NR4A2: variants seen among roughly 807,000 people sequenced by gnomAD.
NR4A2 encodes nuclear receptor subfamily 4 group A member 2.
In NR4A2, 1 loss-of-function variant was observed where a neutral mutation model predicts 50.5. That is an observed-to-expected ratio of 0.02 (90% CI 0.01 to 0.09). The LOEUF (loss-of-function observed/expected upper bound fraction) is 0.09, where lower values mean the gene tolerates loss of function less well. Ranked by LOEUF, NR4A2 falls within the 10% of genes least tolerant of loss-of-function variation. NR4A2 has a pLI of 1.00. For missense variants in NR4A2, 613 were observed against 777.3 expected (o/e 0.79, Z 2.51); for synonymous variants, 328 against 309.4 (o/e 1.06, Z -0.63).
chr2:156,325,732 T>G lies in NR4A2; in HGVS notation c.*12A>C. On this transcript the variant is annotated 3_prime_UTR_variant, in exon 8 of 8. Coordinates refer to ENST00000339562, the MANE Select transcript of NR4A2 (RefSeq NM_006186.4). ...ATCATTCCAGTTCCTTTGAAGTGCT[T>G]GGGAGGAGGTCTTAGAAAGGTAAAG... 6.2e-7 allele frequency: 1 copy of G among 1,614,020 alleles called. No individual in the cohort carries two copies. Among genetic ancestry groups the G allele is most frequent in the Non-Finnish European group, 8.5e-7 (1 of 1,180,008 alleles).
chr2:156,326,882 G>A lies in NR4A2; in HGVS notation c.1197C>T (p.Asp399=). The A allele has an allele frequency of 6.2e-7, 1 of 1,614,174 alleles. No individual in the cohort carries two copies. Among genetic ancestry groups the A allele is most frequent in the Non-Finnish European group, 8.5e-7 (1 of 1,180,010 alleles). The change falls in exon 6 of 8, where the codon GAC becomes GAT. Residue 399 remains aspartate, a synonymous_variant. Transcript: ENST00000339562. The surrounding 1 kb of genome is among the most constrained non-coding windows in gnomAD (Gnocchi z 4.2). Reference sequence around the variant, plus strand: ...CATAGAATTGCTGGATATGCTGGGTGTCATCTCCACTCATTTGATAGTCAG... The same window carrying A: ...CATAGAATTGCTGGATATGCTGGGTATCATCTCCACTCATTTGATAGTCAG... ...ANPDYQMSGD[D]TQHIQQFYDL...
chr2:156,332,094 T>G (rs1000935109), intron 1 of NR4A2: 1 of 171,190 alleles, frequency 5.8e-6, no homozygotes, highest in African/African-American at 2.4e-5. Flanking sequence ...CCTGTCAGTT[T>G]GTGGGCAGCT....
Position 156,330,095 on chromosome 2 carries a change from C to G in NR4A2, c.92G>C (p.Ser31Thr). ...AAACTCTGGAGTTAAGAAATCGGAG[C>G]TGTATTCTCCCGAAGAGTGGTAACT... ...SYSYHSSGEY[S>T]SDFLTPEFVK... Residue 31 changes from serine to threonine, a missense_variant, in exon 3 of 8, where the codon AGC becomes ACC. Physicochemically the swap from Ser to Thr is moderately conservative, Grantham distance 58. Transcript: ENST00000339562. 1 of 1,614,152 alleles carries G rather than the reference C, an allele frequency of 6.2e-7. No homozygotes were observed. Among genetic ancestry groups the G allele is most frequent in the Non-Finnish European group, 8.5e-7 (1 of 1,180,028 alleles).
rs759748013 is a variant in NR4A2 at position 156,325,676 on chromosome 2, T to A, written c.*68A>T. On this transcript the variant is annotated 3_prime_UTR_variant, in exon 8 of 8. Transcript: ENST00000339562. ...CTGCTCACACGGCTATCTCTGCCCA[T>A]GTGACTTGCCCCCTCTTGACAGTTT... The A allele has an allele frequency of 1.3e-6, 2 of 1,598,968 alleles. No individual in the cohort carries two copies. The highest frequency in any genetic ancestry group is 1.7e-6 in the Non-Finnish European group (2 of 1,168,144).
rs142859507 is a variant in NR4A2, at chr2:156,331,673, C to T, written c.-127+807G>A. 3.3e-5 allele frequency: 5 copies of T among 152,300 alleles called. No homozygotes were observed. In the East Asian group the frequency reaches 9.6e-4, roughly 29 times the overall value. 9.4% of individuals were successfully genotyped at this position (152,300 alleles called of 1,614,324 possible). ...CCCACTTGGAAGACATTCTAGAGCA[C>T]AGACAATCTTATTACTAATGAAAAA... On this transcript the variant is annotated intron_variant, in intron 1 of 7. Transcript: ENST00000339562.
intron 2 of NR4A2, 48 bp downstream of exon 2, chr2:156,330,620 G>A (rs1686882811): frequency 1.5e-6 from 2 of 1,360,596 alleles, no homozygotes; most frequent in Non-Finnish European, 1.9e-6. Context: ...GTTTCTTGAT[G>A]TTTGGGGAGC....
rs1028326884 is a variant in NR4A2 at position 156,329,573 on chromosome 2, T to C, written c.614A>G (p.Glu205Gly). The C allele has an allele frequency of 3.1e-6, 5 of 1,602,902 alleles. No individual in the cohort carries two copies. The highest frequency in any genetic ancestry group is 4.3e-6 in the Non-Finnish European group (5 of 1,173,524). Residue 205 changes from glutamate (E) to glycine (G), a missense_variant, in exon 3 of 8, where the codon GAG becomes GGG. Around this residue, in one of 4 missense-constraint regions of NR4A2, gnomAD observed 275 missense variants for 248.9 expected, o/e 1.10. Transcript: ENST00000339562. The surrounding 1 kb of genome is among the most constrained non-coding windows in gnomAD (Gnocchi z 7.5). ...CACCACGTGGTGGCTGCCGGCGGGCTCCGGGTTCATGGGGACGTGCAGGGG... is the reference window on the plus strand; with the variant it reads ...CACCACGTGGTGGCTGCCGGCGGGCCCCGGGTTCATGGGGACGTGCAGGGG... Reference protein sequence around the residue: ...DGPLHVPMNPEPAGSHHVVDG... With the variant: ...DGPLHVPMNPGPAGSHHVVDG...
rs2105594409 is a variant in NR4A2 at position 156,326,555 on chromosome 2, C to T, written c.1361+163G>A. ...TCCAAGGCTTCTGGGCTCGCTTCTT[C>T]TCGTCTTTTTTTGTTTTCTTTCTTT... On this transcript the variant is annotated intron_variant, in intron 6 of 7. Coordinates refer to ENST00000339562, the MANE Select transcript of NR4A2 (RefSeq NM_006186.4). The surrounding 1 kb of genome is among the most constrained non-coding windows in gnomAD (Gnocchi z 4.2). 6.6e-6 allele frequency among the ~76,000 whole-genome samples: 1 copy of T among 152,272 alleles called. No homozygotes were observed. Among genetic ancestry groups the T allele is most frequent in the Middle Eastern group, 3.4e-3 (1 of 294 alleles).
chr2:156,329,639 G>A lies in NR4A2; in HGVS notation c.548C>T (p.Pro183Leu). Residue 183 changes from proline to leucine, a missense_variant, in exon 3 of 8, where the codon CCT becomes CTT. Coordinates refer to ENST00000339562, the MANE Select transcript of NR4A2 (RefSeq NM_006186.4). This position sits in a 1 kb window ranked among gnomAD's most constrained non-coding sequence, Gnocchi z 7.5. ...LSLFSFKQSP[P>L]GTPVSSCQMR... ...CTGGCAACTAGACACCGGGGTGCCA[G>A]GGGGCGATTGCTTAAAGGAGAAGAG... The A allele has an allele frequency of 6.2e-7, 1 of 1,613,504 alleles. No individual in the cohort carries two copies. The highest frequency in any genetic ancestry group is 8.5e-7 in the Non-Finnish European group (1 of 1,179,708).
rs1686563732 is a variant in NR4A2, at chr2:156,324,705, A to C, written c.*1039T>G. ...CTCAGTTATTTCCAGGGAGTTATGT[A>C]TATTATAAGCACTCTGGAAACAGTC... is the stretch of plus-strand genomic sequence containing the variant. On this transcript the variant is annotated 3_prime_UTR_variant, in exon 8 of 8. Coordinates refer to ENST00000339562, the MANE Select transcript of NR4A2 (RefSeq NM_006186.4). 1 of 152,656 alleles carries C rather than the reference A, an allele frequency of 6.6e-6. No individual in the cohort carries two copies. 9.5% of individuals were successfully genotyped at this position (152,656 alleles called of 1,614,324 possible). A position where few individuals can be genotyped will look rare whatever the true frequency, so the allele number is the denominator to read the frequency against.
At position 156,327,789 on chromosome 2, in the gene NR4A2, G is replaced by C. The variant is rs1200660418; in HGVS notation, c.1158+62C>G. The C allele has an allele frequency of 1.9e-6, 3 of 1,539,838 alleles. No homozygotes were observed. The African/African-American group carries it at 4.1e-5, about 21-fold the overall frequency. Reference sequence around the variant, plus strand: ...GAATCTGAGAGTTAATGACGGATGTGGGGAGGGGTCCTGCCCATCTGTCGG... The same window carrying C: ...GAATCTGAGAGTTAATGACGGATGTCGGGAGGGGTCCTGCCCATCTGTCGG... On this transcript the variant is annotated intron_variant, in intron 5 of 7. Transcript: ENST00000339562.
chr2:156,325,945 T>C lies in NR4A2; in HGVS notation c.1596A>G (p.Val532=), dbSNP rs535735654. 2.5e-6 allele frequency: 4 copies of C among 1,614,252 alleles called. No homozygotes were observed. In the African/African-American group the frequency reaches 4.0e-5, roughly 16 times the overall value. ...AAGTCACGTGGTCTTTGAGACAATT[T>C]ACAATCTTGTTTTGCAGTTCTTCCA... The part of the protein sequence containing the change: ...KRVEELQNKI[V]NCLKDHVTFN... The change falls in exon 8 of 8, where the codon GTA becomes GTG. Residue 532 remains valine, a synonymous_variant. Coordinates refer to ENST00000339562, the MANE Select transcript of NR4A2 (RefSeq NM_006186.4).
chr2:156,331,289 TAGAA>T (rs1403688337), intron 1 of NR4A2, among the ~76,000 whole-genome samples: 1 of 152,200 alleles, frequency 6.6e-6, no homozygotes, highest in African/African-American at 2.4e-5. Context: ...TACAAAATGT[TAGAA>T]AGGCCTTGAC....
At chr2:156,327,751 CTT>C in intron 5 of NR4A2, 98 bp downstream of exon 5, 1 of 1,464,784 alleles carries the variant, frequency 6.8e-7, no homozygotes, top group Non-Finnish European at 9.3e-7. Flanking sequence ...TGCTTGCCTT[CTT>C]TACCCCCGTT....
chr2:156,332,142 C>T (rs1010505210), intron 1 of NR4A2, among the ~76,000 whole-genome samples: 1 of 152,180 alleles, frequency 6.6e-6, no homozygotes, highest in Non-Finnish European at 1.5e-5. Flanking sequence ...TCCGTGTTCA[C>T]AGGCCACAAT....
rs1163944610 is a variant in NR4A2 at position 156,326,382 on chromosome 2, A to C, written c.1362-54T>G. On this transcript the variant is annotated intron_variant, in intron 6 of 7. Transcript: ENST00000339562. This position sits in a 1 kb window ranked among gnomAD's most constrained non-coding sequence, Gnocchi z 4.2. ...GAGAAAAAGAGAGAGAGAAAAGCTA[A>C]ACAACTAATTACTTGAAGAGCAATA... 3 of 1,492,876 alleles carry C rather than the reference A, an allele frequency of 2.0e-6. No homozygotes were observed. The Admixed American group carries it at 5.0e-5, about 25-fold the overall frequency. 92.5% of individuals were successfully genotyped at this position (1,492,876 alleles called of 1,614,324 possible). A position where few individuals can be genotyped will look rare whatever the true frequency, so the allele number is the denominator to read the frequency against.
At position 156,325,648 on chromosome 2, in the gene NR4A2, A is replaced by G; in HGVS notation, c.*96T>C. 1 of 1,480,984 alleles carries G rather than the reference A, an allele frequency of 6.8e-7. No homozygotes were observed. The highest frequency in any genetic ancestry group is 9.4e-7 in the Non-Finnish European group (1 of 1,061,114). The allele number at this position is 1,480,984 out of a possible 1,614,324, so 91.7% of individuals were successfully genotyped here. A position where few individuals can be genotyped will look rare whatever the true frequency, so the allele number is the denominator to read the frequency against. ...CAGAAATGGGGGGCAGCTTGAGCTG[A>G]GACTGCTCACACGGCTATCTCTGCC... is the stretch of plus-strand genomic sequence containing the variant. On this transcript the variant is annotated 3_prime_UTR_variant, in exon 8 of 8. Coordinates refer to ENST00000339562, the MANE Select transcript of NR4A2 (RefSeq NM_006186.4).
Position 156,329,484 on chromosome 2 carries a change from G to C in NR4A2, c.703C>G (p.Leu235Val), listed in dbSNP as rs1686810754. Residue 235 changes from leucine (L) to valine (V), a missense_variant, in exon 3 of 8, where the codon CTG becomes GTG. Physicochemically the swap from Leu to Val is conservative, Grantham distance 32 (BLOSUM62 1). This residue lies in a region of NR4A2 where 275 missense variants were observed against 248.9 expected (regional missense o/e 1.10). Coordinates refer to ENST00000339562, the MANE Select transcript of NR4A2 (RefSeq NM_006186.4). The surrounding 1 kb of genome is among the most constrained non-coding windows in gnomAD (Gnocchi z 7.5). ...RKPASMGFPG[L>V]QIGHASQLLD... ...AGCTGAGACGCGTGGCCGATCTGCA[G>C]GCCCGGGAAGCCCATGGACGCGGGC... The C allele has an allele frequency of 6.2e-7, 1 of 1,606,522 alleles. No homozygotes were observed. Among genetic ancestry groups the C allele is most frequent in the Non-Finnish European group, 8.5e-7 (1 of 1,177,648 alleles).
At chr2:156,331,311 G>A (rs1686913805) in intron 1 of NR4A2, among the ~76,000 whole-genome samples, 1 of 152,198 alleles carries the variant, frequency 6.6e-6, no homozygotes, top group Non-Finnish European at 1.5e-5. Context: ...GACTGAGAAG[G>A]CAAGTTGAGT....
Sources: allele counts gnomAD v4.1 joint callset (sites outside exome capture counted in the v4.1 genomes callset), GRCh38; gene constraint gnomAD v4.1.1; regional missense constraint gnomAD v4.1.1; non-coding constraint Gnocchi (gnomAD v3.1); transcripts MANE v1.5; gene names NCBI Gene and HGNC (gene_info 2026-07-23, HGNC 2026-07-21).